A1CF: variants seen among roughly 807,000 people sequenced by gnomAD.
The protein encoded by A1CF is APOBEC-1 stimulating protein.
A1CF carries 48 observed loss-of-function variants against 68.9 expected under a neutral mutation model. The observed-to-expected ratio is 0.70, with a 90% CI of 0.55 to 0.89. A1CF has a LOEUF of 0.89. Among genes scored for constraint, A1CF ranks in the 40% least tolerant of loss-of-function variants. The pLI is 0.00. For missense variants in A1CF, 653 were observed against 718.9 expected (o/e 0.91, Z 1.05); for synonymous variants, 272 against 260.4 (o/e 1.04, Z -0.43).
chr10:50,831,847 T>C (rs938062901), intron 6 of A1CF, among the ~76,000 whole-genome samples: 1 of 152,074 alleles, frequency 6.6e-6, no homozygotes, highest in Non-Finnish European at 1.5e-5. Flanking sequence ...CAGGCAAATA[T>C]AAATCAAAAC....
Position 50,804,971 on chromosome 10 carries a change from CCTA to C in A1CF, c.*1755_*1757del, listed in dbSNP as rs1156280524. The C allele has an allele frequency of 6.6e-6, 1 of 152,128 alleles. No homozygotes were observed. Among genetic ancestry groups the C allele is most frequent in the African/African-American group, 2.4e-5 (1 of 41,440 alleles). 9.4% of individuals were successfully genotyped at this position (152,128 alleles called of 1,614,324 possible). On this transcript the variant is annotated 3_prime_UTR_variant, in exon 13 of 13. Coordinates refer to ENST00000373997, the MANE Select transcript of A1CF (RefSeq NM_014576.4). ...CTCTCCAGGAGATTCTAATGTACAG[CCTA>C]CTTTGGGAACTACTGTCCTAGGAAA...
At chr10:50,864,814 C>G (rs1411942501) in intron 1 of A1CF, among the ~76,000 whole-genome samples, 1 of 152,058 alleles carries the variant, frequency 6.6e-6, no homozygotes, top group Non-Finnish European at 1.5e-5. Flanking sequence ...GATAGGGTTT[C>G]TCCATGTTGG....
rs2132290511 is a variant in A1CF, at chr10:50,804,070, T to C, written c.*2659A>G. ...GCATGGTAGACACATTAACACTTTCTATGAAGGTATTTTAATGGAATTCAA... is the reference window on the plus strand; with the variant it reads ...GCATGGTAGACACATTAACACTTTCCATGAAGGTATTTTAATGGAATTCAA... On this transcript the variant is annotated 3_prime_UTR_variant, in exon 13 of 13. Coordinates refer to ENST00000373997, the MANE Select transcript of A1CF (RefSeq NM_014576.4). 6.6e-6 allele frequency: 1 copy of C among 152,314 alleles called. No individual in the cohort carries two copies. The highest frequency in any genetic ancestry group is 2.1e-4 in the South Asian group (1 of 4,820). The allele number at this position is 152,314 out of a possible 1,614,324, so 9.4% of individuals were successfully genotyped here. A position where few individuals can be genotyped will look rare whatever the true frequency, so the allele number is the denominator to read the frequency against.
At chr10:50,869,448 T>C (rs1648933180) in intron 1 of A1CF, among the ~76,000 whole-genome samples, 1 of 152,186 alleles carries the variant, frequency 6.6e-6, no homozygotes, top group Non-Finnish European at 1.5e-5. Context: ...TTCGAATGCA[T>C]TATCTTGAGC....
In A1CF at chr10:50,813,988, C is replaced by T. The variant is rs1838246814; in HGVS notation, c.1192G>A (p.Gly398Ser). The T allele has an allele frequency of 1.2e-6, 2 of 1,613,862 alleles. No homozygotes were observed. The highest frequency in any genetic ancestry group is 1.7e-6 in the Non-Finnish European group (2 of 1,179,854). ...LGGRGYLAYT[G>S]LGRGYQVKGD... ...TTGACCTGGTATCCTCGACCCAGGC[C>T]TGTGTATGCCAAATAGCCACGGCCG... is the stretch of plus-strand genomic sequence containing the variant. The change falls in exon 10 of 13, where the codon GGC (glycine) becomes AGC (serine). Residue 398 changes from glycine (G) to serine (S), a missense_variant. Gly to Ser is a moderately conservative substitution (Grantham distance 56, BLOSUM62 0). Transcript: ENST00000373997.
intron 3 of A1CF, chr10:50,850,517 T>G: frequency 9.4e-7 from 1 of 1,063,944 alleles, no homozygotes; most frequent in South Asian, 1.4e-5. Context: ...CAGAAAACAT[T>G]TTGTCAGTGT....
rs775835418 is a variant in A1CF at position 50,806,760 on chromosome 10, G to C, written c.1730C>G (p.Thr577Ser). Residue 577 changes from threonine to serine, a missense_variant, in exon 13 of 13, where the codon ACT becomes AGT. Physicochemically the swap from Thr to Ser is moderately conservative, Grantham distance 58. Coordinates refer to ENST00000373997, the MANE Select transcript of A1CF (RefSeq NM_014576.4). ...TYEVYPTFAV[T>S]ARGDGYGTF Reference sequence around the variant, plus strand: ...GGTGCCATATCCATCCCCTCGGGCAGTCACTGCAAAAGTTGGGTAGACCTC... The same window carrying C: ...GGTGCCATATCCATCCCCTCGGGCACTCACTGCAAAAGTTGGGTAGACCTC... 1 of 1,610,534 alleles carries C rather than the reference G, an allele frequency of 6.2e-7. No individual in the cohort carries two copies. Among genetic ancestry groups the C allele is most frequent in the Non-Finnish European group, 8.5e-7 (1 of 1,178,478 alleles).
chr10:50,878,887 A>C (rs1320825585), intron 1 of A1CF, among the ~76,000 whole-genome samples: 1 of 152,202 alleles, frequency 6.6e-6, no homozygotes, highest in Non-Finnish European at 1.5e-5. Context: ...AAATTCTTTA[A>C]TAAGTTAATT....
At position 50,805,553 on chromosome 10, in the gene A1CF, T is replaced by G. The variant is rs1837779530; in HGVS notation, c.*1176A>C. ...GTCTGAAACAGTTTCTAATCAGCAATGATTGCTGTAAGATTTTTCTGTGGC... is the reference window on the plus strand; with the variant it reads ...GTCTGAAACAGTTTCTAATCAGCAAGGATTGCTGTAAGATTTTTCTGTGGC... On this transcript the variant is annotated 3_prime_UTR_variant, in exon 13 of 13. Transcript: ENST00000373997. 1.3e-5 allele frequency: 2 copies of G among 152,332 alleles called. No homozygotes were observed. Among genetic ancestry groups the G allele is most frequent in the South Asian group, 4.1e-4 (2 of 4,830 alleles). The allele number at this position is 152,332 out of a possible 1,614,324, so 9.4% of individuals were successfully genotyped here.
intron 1 of A1CF, among the ~76,000 whole-genome samples, chr10:50,867,109 C>T (rs1388777850): frequency 2.0e-5 from 3 of 150,524 alleles, no homozygotes; most frequent in South Asian, 2.1e-4. Context: ...ACACATTTAA[C>T]GAGTCATGAA....
At chr10:50,816,403 C>T in intron 8 of A1CF, 124 bp from the exon 9 acceptor site, 1 of 1,144,046 alleles carries the variant, frequency 8.7e-7, no homozygotes, top group Admixed American at 2.7e-5. Flanking sequence ...TTGATTGTAT[C>T]TTGTCATTTT....
intron 1 of A1CF, among the ~76,000 whole-genome samples, chr10:50,880,500 G>A (rs1010514277): frequency 1.3e-5 from 2 of 152,138 alleles, no homozygotes; most frequent in African/African-American, 4.8e-5. Context: ...CATGAATGGC[G>A]AGGAACTCTT....
chr10:50,812,052 T>G (rs1838138924), intron 10 of A1CF, among the ~76,000 whole-genome samples: 1 of 152,234 alleles, frequency 6.6e-6, no homozygotes, highest in Non-Finnish European at 1.5e-5. Flanking sequence ...TAGCATGATA[T>G]TTTCCAGTTT....
chr10:50,884,410 C>A (rs1841914457), intron 1 of A1CF, among the ~76,000 whole-genome samples: 1 of 152,078 alleles, frequency 6.6e-6, no homozygotes, highest in South Asian at 2.1e-4. Context: ...AAAGTATGAA[C>A]CTTATAAGTC....
At chr10:50,879,480 T>C (rs1398292743) in intron 1 of A1CF, among the ~76,000 whole-genome samples, 1 of 152,170 alleles carries the variant, frequency 6.6e-6, no homozygotes, top group Non-Finnish European at 1.5e-5. Context: ...GACTGGGTAA[T>C]TTATAAAGAA....
intron 2 of A1CF, among the ~76,000 whole-genome samples, chr10:50,861,031 G>C (rs1175035991): frequency 1.3e-5 from 2 of 152,118 alleles, no homozygotes; most frequent in Non-Finnish European, 2.9e-5. Context: ...TTTGAATATA[G>C]GTACTTTTGA....
At chr10:50,813,386 A>C (rs1263734542) in intron 10 of A1CF, among the ~76,000 whole-genome samples, 1 of 152,204 alleles carries the variant, frequency 6.6e-6, no homozygotes, top group Non-Finnish European at 1.5e-5. Context: ...GACTGATGAC[A>C]TCTCATAGTT....
intron 5 of A1CF, among the ~76,000 whole-genome samples, chr10:50,838,296 A>G (rs1839616033): frequency 6.6e-6 from 1 of 152,186 alleles, no homozygotes; most frequent in South Asian, 2.1e-4. Context: ...TGACAGGTCC[A>G]TCTCAGTCTA....
rs1281232905 is a variant in A1CF, at chr10:50,828,120, A to G, written c.769+11T>C. 6.5e-7 allele frequency: 1 copy of G among 1,547,348 alleles called. No homozygotes were observed. The highest frequency in any genetic ancestry group is 8.8e-7 in the Non-Finnish European group (1 of 1,136,198). On this transcript the variant is annotated intron_variant, in intron 7 of 12. Transcript: ENST00000373997. ...ATGTTTTGAAAAACTAATCTTGTAT[A>G]TATGTCCTACCTGGTTTGATATTGT...
Sources: gnomAD v4.1 joint callset for allele counts (sites outside exome capture counted in the v4.1 genomes callset) on GRCh38, gnomAD v4.1.1 for gene constraint, MANE v1.5 for transcripts, NCBI Gene and HGNC (gene_info 2026-07-23, HGNC 2026-07-21) for gene names.